The following GUCY2C variants were observed in gnomAD, a reference collection of about 807,000 sequenced individuals.
GUCY2C encodes the protein guanylate cyclase 2C, also known as guanylyl cyclase C.
A neutral mutation model predicts 131.1 loss-of-function variants in GUCY2C; 118 were observed. The ratio of observed to expected loss-of-function variants is 0.90; its 90% CI spans 0.78 to 1.05. The LOEUF (loss-of-function observed/expected upper bound fraction) is 1.05, where lower values mean the gene tolerates loss of function less well. Ranked by LOEUF, GUCY2C falls within the 50% of genes least tolerant of loss-of-function variation. The probability of loss-of-function intolerance (pLI) is 0.00; values close to 1 mark genes in which losing one functional copy is unlikely to be tolerated. For synonymous variants in GUCY2C, 452 were observed against 457.8 expected (o/e 0.99, Z 0.16); for missense variants, 1,161 against 1,304.4 (o/e 0.89, Z 1.69).
At chr12:14,688,242 G>C (rs1948510983) in intron 1 of GUCY2C, among the ~76,000 whole-genome samples, 179 bp from the exon 2 acceptor site, 1 of 151,344 alleles carries the variant, frequency 6.6e-6, no homozygotes, top group Non-Finnish European at 1.5e-5. Context: ...CTGTCTCTCT[G>C]TATCTTTTCA....
At chr12:14,688,978 T>G (rs1286429099) in intron 1 of GUCY2C, among the ~76,000 whole-genome samples, 1 of 152,206 alleles carries the variant, frequency 6.6e-6, no homozygotes, top group Non-Finnish European at 1.5e-5. Context: ...TAGTAAGTGC[T>G]TTCAATTTAT....
rs531080087 is a variant in GUCY2C, at chr12:14,674,067, A to G, written c.1084+558T>C. On this transcript the variant is annotated intron_variant, in intron 8 of 26. Coordinates refer to ENST00000261170, the MANE Select transcript of GUCY2C (RefSeq NM_004963.4). ...TTATCTTTGACTTAGTATACATTACATTTAGAGGAAAATTTCTTCATAGTC... is the reference window on the plus strand; with the variant it reads ...TTATCTTTGACTTAGTATACATTACGTTTAGAGGAAAATTTCTTCATAGTC... 3.9e-5 allele frequency among the ~76,000 whole-genome samples: 6 copies of G among 152,346 alleles called. No homozygotes were observed. In the South Asian group the frequency reaches 1.2e-3, roughly 32 times the overall value.
chr12:14,679,544 C>T, intron 6 of GUCY2C, 113 bp downstream of exon 6: 1 of 643,142 alleles, frequency 1.6e-6, no homozygotes, highest in Non-Finnish European at 2.8e-6. Flanking sequence ...TATCATCATA[C>T]TTAACCCCAT....
chr12:14,677,736 A>ATAT (rs1948267135), intron 6 of GUCY2C, among the ~76,000 whole-genome samples: 1 of 134,042 alleles, frequency 7.5e-6, no homozygotes, highest in Non-Finnish European at 1.6e-5. Flanking sequence ...ACGCCCAGCT[A>ATAT]TTTTTTTTTT....
intron 11 of GUCY2C, among the ~76,000 whole-genome samples, chr12:14,659,688 G>A (rs1947828653): frequency 6.6e-6 from 1 of 152,156 alleles, no homozygotes; most frequent in African/African-American, 2.4e-5. Context: ...CTGTACCCCA[G>A]GAGACTCTTG....
intron 12 of GUCY2C, among the ~76,000 whole-genome samples, chr12:14,654,084 G>A (rs1947716528): frequency 6.6e-6 from 1 of 152,124 alleles, no homozygotes; most frequent in African/African-American, 2.4e-5. Context: ...AAATTCTCTT[G>A]CTAGCTAAAA....
At chr12:14,661,661 G>A (rs983598725) in intron 10 of GUCY2C, among the ~76,000 whole-genome samples, 3 of 151,944 alleles carry the variant, frequency 2.0e-5, no homozygotes, top group African/African-American at 7.3e-5. Flanking sequence ...ATGAACTCCC[G>A]GCCTCAAGCG....
chr12:14,655,955 C>T (rs1947753900), intron 12 of GUCY2C, among the ~76,000 whole-genome samples: 1 of 152,150 alleles, frequency 6.6e-6, no homozygotes. Context: ...TTTTGTCCTT[C>T]AGTTTCCTCA....
Position 14,645,220 on chromosome 12 carries a change from TTC to T in GUCY2C, c.1797+7_1797+8del, listed in dbSNP as rs1947496764. 7.2e-7 allele frequency: 1 copy of T among 1,397,348 alleles called. No homozygotes were observed. The highest frequency in any genetic ancestry group is 1.4e-5 in the African/African-American group (1 of 70,246). The allele number at this position is 1,397,348 out of a possible 1,614,324, so 86.6% of individuals were successfully genotyped here. On this transcript the variant is annotated splice_region_variant and intron_variant, in intron 16 of 26. Coordinates refer to ENST00000261170, the MANE Select transcript of GUCY2C (RefSeq NM_004963.4). Reference sequence around the variant, plus strand: ...ATTTTCATATTTTCTGTGTGTGTGTTTCTCTTACCTTAGCAATGTCATACAAG... The same window carrying T: ...ATTTTCATATTTTCTGTGTGTGTGTTTCTTACCTTAGCAATGTCATACAAG...
chr12:14,670,923 C>T (rs890999907), intron 9 of GUCY2C, among the ~76,000 whole-genome samples: 1 of 151,410 alleles, frequency 6.6e-6, no homozygotes. Context: ...AAAGGCACTT[C>T]TTACATGGTG....
intron 3 of GUCY2C, 38 bp downstream of exon 3, chr12:14,686,115 GTTGCAATA>G: frequency 8.6e-7 from 1 of 1,160,690 alleles, no homozygotes; most frequent in Non-Finnish European, 1.3e-6. Context: ...AGTCCTTTAA[GTTGCAATA>G]TCATGTCCTG....
At chr12:14,624,570 CTTAAGT>C (rs1196467274) in intron 21 of GUCY2C, among the ~76,000 whole-genome samples, 1 of 152,192 alleles carries the variant, frequency 6.6e-6, no homozygotes, top group Non-Finnish European at 1.5e-5. Context: ...TACATGCAAT[CTTAAGT>C]TTATTTGCCC....
chr12:14,681,358 T>C lies in GUCY2C; in HGVS notation c.731A>G (p.Asn244Ser). The change falls in exon 5 of 27, where the codon AAT (asparagine) becomes AGT (serine). Residue 244 changes from asparagine to serine, a missense_variant and splice_region_variant. Transcript: ENST00000261170. The part of the protein sequence containing the change: ...DILMDHNRKS[N>S]VIIMCGGPEF... The stretch of plus-strand genomic sequence containing the variant: ...CAATTATCTTCATGTCTTCTTACCA[T>C]TGCTTTTCCTGTTGTGGTCCATTAA... 3 of 1,612,670 alleles carry C rather than the reference T, an allele frequency of 1.9e-6. No homozygotes were observed. The highest frequency in any genetic ancestry group is 1.7e-6 in the Non-Finnish European group (2 of 1,178,882).
intron 2 of GUCY2C, among the ~76,000 whole-genome samples, chr12:14,687,673 C>A (rs947859330): frequency 2.6e-5 from 4 of 152,092 alleles, no homozygotes; most frequent in African/African-American, 9.7e-5. Flanking sequence ...ATTTTTAAAA[C>A]AATTTAAAGC....
In GUCY2C at chr12:14,619,208, T is replaced by TA. The variant is rs767299945; in HGVS notation, c.2875+2dup. On this transcript the variant is annotated splice_region_variant and intron_variant, in intron 24 of 26. Coordinates refer to ENST00000261170, the MANE Select transcript of GUCY2C (RefSeq NM_004963.4). ...CTCTGAGAAAAACAGTCTCCCTTCT[T>TA]ACGGAGGCCAGTGGATTCCATCCTA... The TA allele has an allele frequency of 2.6e-6, 4 of 1,563,828 alleles. No individual in the cohort carries two copies. The South Asian group carries it at 4.5e-5, about 17-fold the overall frequency.
chr12:14,693,820 C>T (rs1948615522), intron 1 of GUCY2C, among the ~76,000 whole-genome samples: 1 of 152,202 alleles, frequency 6.6e-6, no homozygotes, highest in South Asian at 2.1e-4. Context: ...AATAACTCAC[C>T]TAATGTCACT....
intron 10 of GUCY2C, among the ~76,000 whole-genome samples, chr12:14,661,936 A>C (rs1947875709): frequency 6.6e-6 from 1 of 152,176 alleles, no homozygotes; most frequent in East Asian, 1.9e-4. Context: ...GACTCTCAGA[A>C]GAGTAAGTGG....
chr12:14,670,909 G>A (rs1002693458), intron 9 of GUCY2C, among the ~76,000 whole-genome samples: 14 of 151,518 alleles, frequency 9.2e-5, no homozygotes, highest in Admixed American at 9.2e-4. Flanking sequence ...CATGGTGGAG[G>A]GTGAAAGGCA....
At chr12:14,624,255 A>G (rs557562745) in intron 21 of GUCY2C, among the ~76,000 whole-genome samples, 73 of 152,252 alleles carry the variant, frequency 4.8e-4, no homozygotes, top group Non-Finnish European at 5.7e-4. Flanking sequence ...AGTCTGGCCA[A>G]CATGGTGAAA....
Sources: allele counts gnomAD v4.1 joint callset (sites outside exome capture counted in the v4.1 genomes callset), GRCh38; gene constraint gnomAD v4.1.1; transcripts MANE v1.5; gene names NCBI Gene and HGNC (gene_info 2026-07-23, HGNC 2026-07-21).